Variants in PCDHGA3 observed in about 807,000 individuals in gnomAD.
PCDHGA3 encodes protocadherin gamma subfamily A, 3.
Under a neutral mutation model 58.5 loss-of-function variants are expected in PCDHGA3, and 40 were observed. The observed-to-expected ratio is 0.68, with a 90% CI of 0.53 to 0.89. The LOEUF (loss-of-function observed/expected upper bound fraction) is 0.89, where lower values mean the gene tolerates loss of function less well. Among genes scored for constraint, PCDHGA3 ranks in the 40% least tolerant of loss-of-function variants. The pLI is 0.00. For synonymous variants in PCDHGA3, 530 were observed against 525.7 expected, an observed-to-expected ratio of 1.01 and a Z score of -0.11; for missense variants, 1,223 against 1,195.9, an observed-to-expected ratio of 1.02 and a Z score of -0.33.
At chr5:141,356,466 A>C in intron 1 of PCDHGA3, 1 of 1,613,768 alleles carries the variant, frequency 6.2e-7, no homozygotes, top group Non-Finnish European at 8.5e-7. Flanking sequence ...ACATCACTGT[A>C]ACTGCCACTG....
At chr5:141,458,386 G>A (rs1037969327) in intron 1 of PCDHGA3, among the ~76,000 whole-genome samples, 3 of 152,188 alleles carry the variant, frequency 2.0e-5, no homozygotes, top group African/African-American at 4.8e-5. Context: ...GAAGGAAGAC[G>A]CTCCCCCTTG....
intron 1 of PCDHGA3, chr5:141,419,158 C>T (rs757849297): frequency 5.0e-6 from 8 of 1,613,950 alleles, no homozygotes; most frequent in Admixed American, 1.7e-5. Context: ...CTCCGTTATC[C>T]TCCAGCAAAA....
rs766779419 is a variant in PCDHGA3, at chr5:141,389,386, C to G, written c.2424+42929C>G. On this transcript the variant is annotated intron_variant, in intron 1 of 3. Transcript: ENST00000253812. ...GACCTGGAGCAGCGGGAGCTGTCAT[C>G]CTACGTGTCCATAAGCGCGGAGAGC... The G allele has an allele frequency of 1.1e-5, 17 of 1,613,620 alleles. No homozygotes were observed. The highest frequency in any genetic ancestry group is 6.7e-5 in the African/African-American group (5 of 74,960).
At chr5:141,441,386 G>A (rs2098243752) in intron 1 of PCDHGA3, 1 of 153,358 alleles carries the variant, frequency 6.5e-6, no homozygotes, top group African/African-American at 2.4e-5. Flanking sequence ...ACAGACCCAA[G>A]GTATAACATC....
Position 141,345,366 on chromosome 5 carries a change from ATCAAT to A in PCDHGA3, c.1334_1338del (p.Ile445ArgfsTer35). 6.2e-7 allele frequency: 1 copy of A among 1,614,130 alleles called. No homozygotes were observed. The highest frequency in any genetic ancestry group is 1.6e-4 in the Middle Eastern group (1 of 6,062). On this transcript the variant is annotated frameshift_variant, in exon 1 of 4. Coordinates refer to ENST00000253812, the MANE Select transcript of PCDHGA3 (RefSeq NM_018916.4). LOFTEE classifies it high-confidence loss of function. ...TCACATCACCCTGCATGTGATTGAC[ATCAAT>A]GACAACCCACCCACCTTCCCTCATT...
intron 1 of PCDHGA3, chr5:141,384,729 G>C: frequency 6.2e-7 from 1 of 1,614,122 alleles, no homozygotes; most frequent in Middle Eastern, 1.7e-4. Flanking sequence ...TCCTGCTTAA[G>C]GCCAGCGAGC....
At chr5:141,509,887 T>C (rs138950510) in intron 3 of PCDHGA3, among the ~76,000 whole-genome samples, 1 of 152,314 alleles carries the variant, frequency 6.6e-6, no homozygotes, top group East Asian at 1.9e-4. Flanking sequence ...TGATGGTGAC[T>C]GACTGTCCCT....
chr5:141,404,942 A>G, intron 1 of PCDHGA3: 2 of 1,613,982 alleles, frequency 1.2e-6, no homozygotes, highest in South Asian at 1.1e-5. Context: ...CACAGTAGCC[A>G]TAGCTGACAG....
chr5:141,441,627 G>C (rs1239011684), intron 1 of PCDHGA3: 1 of 223,512 alleles, frequency 4.5e-6, no homozygotes, highest in Non-Finnish European at 9.0e-6. Context: ...CAGTGACCTG[G>C]AGCCACAGGC....
intron 1 of PCDHGA3, chr5:141,417,619 C>A: frequency 1.5e-6 from 1 of 656,120 alleles, no homozygotes; most frequent in South Asian, 2.4e-5. Flanking sequence ...CAGTGCAGAG[C>A]AAGCGCTGAC....
rs745814935 is a variant in PCDHGA3, at chr5:141,357,130, G to T, written c.2424+10673G>T. On this transcript the variant is annotated intron_variant, in intron 1 of 3. Transcript: ENST00000253812. Reference sequence around the variant, plus strand: ...AGACGCGCTCAAGCAGAGGCTTGTAGTGGTCGTCCAGGACCATGGCCAGCC... The same window carrying T: ...AGACGCGCTCAAGCAGAGGCTTGTATTGGTCGTCCAGGACCATGGCCAGCC... 3.7e-6 allele frequency: 6 copies of T among 1,613,472 alleles called. No homozygotes were observed. The Admixed American group carries it at 8.3e-5, about 22-fold the overall frequency.
chr5:141,427,606 G>A (rs965315804), intron 1 of PCDHGA3: 2 of 688,192 alleles, frequency 2.9e-6, no homozygotes, highest in African/African-American at 3.5e-5. Flanking sequence ...CTACGCATTG[G>A]TGAAGTCAAC....
At chr5:141,466,871 T>G (rs1432611218) in intron 1 of PCDHGA3, among the ~76,000 whole-genome samples, 1 of 152,166 alleles carries the variant, frequency 6.6e-6, no homozygotes, top group Admixed American at 6.5e-5. Flanking sequence ...ATCCACACAT[T>G]TTTTTCATAA....
intron 1 of PCDHGA3, chr5:141,355,106 G>T (rs1226515373): frequency 4.6e-6 from 7 of 1,506,972 alleles, no homozygotes; most frequent in Non-Finnish European, 2.7e-6. Flanking sequence ...CTCTGGCTGT[G>T]AATGCACTTT....
At chr5:141,455,289 A>G (rs1592356100) in intron 1 of PCDHGA3, among the ~76,000 whole-genome samples, 2 of 152,192 alleles carry the variant, frequency 1.3e-5, no homozygotes, top group East Asian at 3.9e-4. Context: ...ATCACTTTAC[A>G]TAGTTTCATC....
At chr5:141,418,933 G>A in intron 1 of PCDHGA3, 2 of 1,614,010 alleles carry the variant, frequency 1.2e-6, no homozygotes, top group Non-Finnish European at 1.7e-6. Flanking sequence ...AGATTATGGA[G>A]GATTCCCCTC....
intron 1 of PCDHGA3, chr5:141,394,248 C>T (rs937129072): frequency 9.3e-6 from 15 of 1,613,816 alleles, no homozygotes; most frequent in Admixed American, 6.7e-5. Flanking sequence ...TGCACACGAC[C>T]CCGACAGCCA....
rs1395235006 is a variant in PCDHGA3 at position 141,360,862 on chromosome 5, A to G, written c.2424+14405A>G. 3.7e-6 allele frequency: 6 copies of G among 1,613,898 alleles called. No individual in the cohort carries two copies. In the African/African-American group the frequency reaches 6.7e-5, roughly 18 times the overall value. The stretch of plus-strand genomic sequence containing the variant: ...TGCCAACGATAACCCTCCAGTGTTC[A>G]GCCAGGACGTGTACAGGGTCACCCT... On this transcript the variant is annotated intron_variant, in intron 1 of 3. Transcript: ENST00000253812.
intron 1 of PCDHGA3, among the ~76,000 whole-genome samples, chr5:141,448,952 C>A (rs1278778374): frequency 2.6e-5 from 4 of 151,698 alleles, no homozygotes; most frequent in Non-Finnish European, 5.9e-5. Flanking sequence ...CTCAAAAAAA[C>A]AAACAAACAA....
Sources: gnomAD v4.1 joint callset for allele counts (sites outside exome capture counted in the v4.1 genomes callset) on GRCh38, gnomAD v4.1.1 for gene constraint, MANE v1.5 for transcripts, NCBI Gene and HGNC (gene_info 2026-07-23, HGNC 2026-07-21) for gene names.